CSMD1: variants seen among roughly 807,000 people sequenced by gnomAD.
CSMD1 encodes the protein CUB and Sushi multiple domains 1.
A neutral mutation model predicts 417.5 loss-of-function variants in CSMD1; 213 were observed. The observed-to-expected ratio is 0.51, with a 90% confidence interval of 0.46 to 0.57. CSMD1 has a LOEUF of 0.57. Among genes scored for constraint, CSMD1 ranks in the 20% least tolerant of loss-of-function variants. The probability of loss-of-function intolerance (pLI) is 0.00; values close to 1 mark genes in which losing one functional copy is unlikely to be tolerated. For synonymous variants in CSMD1, 2,862 were observed against 1,736.8 expected, an observed-to-expected ratio of 1.65 and a Z score of -16.11; for missense variants, 6,923 against 4,529.7, an observed-to-expected ratio of 1.53 and a Z score of -15.17.
Position 4,197,794 on chromosome 8 carries a change from G to C in CSMD1, c.416-165695C>G, listed in dbSNP as rs374964591. Reference sequence around the variant, plus strand: ...CTTGGGAGGCTGATATGGGAGGATTGCTTGAACCCAGGAGGCAGAGGTTGC... The same window carrying C: ...CTTGGGAGGCTGATATGGGAGGATTCCTTGAACCCAGGAGGCAGAGGTTGC... On this transcript the variant is annotated intron_variant, in intron 3 of 69. Coordinates refer to ENST00000635120, the MANE Select transcript of CSMD1 (RefSeq NM_033225.6). 2.0e-4 allele frequency among the ~76,000 whole-genome samples: 30 copies of C among 152,216 alleles called. No homozygotes were observed. The East Asian group carries it at 4.5e-3, about 23-fold the overall frequency.
intron 1 of CSMD1, among the ~76,000 whole-genome samples, chr8:4,795,050 T>A (rs1263283617): frequency 6.6e-6 from 1 of 151,922 alleles, no homozygotes. Flanking sequence ...GGTGTGTGTT[T>A]AAGTTTCTGC....
intron 17 of CSMD1, among the ~76,000 whole-genome samples, chr8:3,395,663 A>C (rs1189797497): frequency 6.6e-6 from 1 of 152,188 alleles, no homozygotes; most frequent in East Asian, 1.9e-4. Flanking sequence ...GCTTGTTGAA[A>C]GACTGTTAAC....
chr8:4,826,415 G>A (rs1799830496), intron 1 of CSMD1, among the ~76,000 whole-genome samples: 1 of 152,126 alleles, frequency 6.6e-6, no homozygotes, highest in Non-Finnish European at 1.5e-5. Context: ...AGCCTGGAGG[G>A]CATTGCGCTA....
At chr8:3,890,300 T>C (rs927513411) in intron 5 of CSMD1, among the ~76,000 whole-genome samples, 3 of 152,096 alleles carry the variant, frequency 2.0e-5, no homozygotes, top group Non-Finnish European at 4.4e-5. Context: ...ACTTGAAAAA[T>C]ATTAATATTA....
At chr8:4,783,372 C>A (rs1289576349) in intron 1 of CSMD1, among the ~76,000 whole-genome samples, 1 of 152,182 alleles carries the variant, frequency 6.6e-6, no homozygotes, top group African/African-American at 2.4e-5. Context: ...TGGGAGAGAG[C>A]TGTACAGTGG....
intron 5 of CSMD1, among the ~76,000 whole-genome samples, chr8:3,899,712 G>C (rs762389532): frequency 6.6e-6 from 1 of 152,170 alleles, no homozygotes; most frequent in African/African-American, 2.4e-5. Context: ...CTGAGCAACT[G>C]TCCTGGTAGG....
chr8:3,072,901 C>G (rs975206825), intron 49 of CSMD1, among the ~76,000 whole-genome samples: 4 of 151,896 alleles, frequency 2.6e-5, no homozygotes, highest in African/African-American at 7.3e-5. Flanking sequence ...AATGCAAAAC[C>G]CAGTATTTGC....
Position 4,566,652 on chromosome 8 carries a change from C to CAAA in CSMD1, c.302+70687_302+70689dup, listed in dbSNP as rs35448667. Among the ~76,000 whole-genome samples, 30 of 62,844 alleles carry CAAA rather than the reference C, an allele frequency of 4.8e-4. 1 individual carries two copies. Among genetic ancestry groups the CAAA allele is most frequent in the African/African-American group, 1.8e-3 (25 of 13,810 alleles). 41.2% of individuals were successfully genotyped at this position (62,844 alleles called of 152,430 possible). ...TGGGTGACAGAGGGAGACTCTGACT[C>CAAA]AAAAAAAAAAAAAAAAAAAAAAAAA... On this transcript the variant is annotated intron_variant, in intron 2 of 69. Transcript: ENST00000635120.
At chr8:4,379,737 A>G (rs1156526526) in intron 3 of CSMD1, among the ~76,000 whole-genome samples, 2 of 151,968 alleles carry the variant, frequency 1.3e-5, no homozygotes, top group East Asian at 1.9e-4. Context: ...AGTGGCAGAA[A>G]GTATGATAAA....
intron 3 of CSMD1, among the ~76,000 whole-genome samples, chr8:4,099,148 C>T (rs1000210043): frequency 2.0e-5 from 3 of 151,666 alleles, no homozygotes; most frequent in Non-Finnish European, 2.9e-5. Context: ...TTTCAGGCCC[C>T]AACCATGCAT....
intron 28 of CSMD1, among the ~76,000 whole-genome samples, chr8:3,221,518 C>G (rs1313324227): frequency 7.1e-6 from 1 of 140,588 alleles, no homozygotes; most frequent in African/African-American, 2.7e-5. Flanking sequence ...GCAAATACTG[C>G]CAGACACAGG....
At chr8:4,410,618 T>C (rs1356911947) in intron 3 of CSMD1, among the ~76,000 whole-genome samples, 3 of 152,188 alleles carry the variant, frequency 2.0e-5, no homozygotes, top group Non-Finnish European at 4.4e-5. Flanking sequence ...AATTATGTAT[T>C]ACCAAATGTA....
intron 1 of CSMD1, among the ~76,000 whole-genome samples, chr8:4,779,763 T>C (rs1797055134): frequency 6.6e-6 from 1 of 152,162 alleles, no homozygotes; most frequent in Non-Finnish European, 1.5e-5. Flanking sequence ...TAATTGCGGT[T>C]TGCTGATGCC....
At chr8:4,347,277 G>A (rs916732822) in intron 3 of CSMD1, among the ~76,000 whole-genome samples, 2 of 152,022 alleles carry the variant, frequency 1.3e-5, no homozygotes, top group African/African-American at 4.8e-5. Context: ...ATCTCACCTT[G>A]GCCCTCTCTA....
At chr8:3,467,992 T>C (rs1294701479) in intron 12 of CSMD1, among the ~76,000 whole-genome samples, 2 of 152,216 alleles carry the variant, frequency 1.3e-5, no homozygotes, top group Non-Finnish European at 2.9e-5. Flanking sequence ...CATACACATC[T>C]ATCGGTTCAA....
intron 7 of CSMD1, among the ~76,000 whole-genome samples, chr8:3,633,127 TTA>T (rs1053127053): frequency 6.6e-6 from 1 of 152,230 alleles, no homozygotes; most frequent in Non-Finnish European, 1.5e-5. Flanking sequence ...TTCTCTAACT[TTA>T]TGTTACCAAG....
intron 1 of CSMD1, among the ~76,000 whole-genome samples, chr8:4,726,942 A>G (rs1278203573): frequency 1.3e-5 from 2 of 152,186 alleles, no homozygotes; most frequent in Non-Finnish European, 2.9e-5. Context: ...GGGATTGTAC[A>G]TATGTACTTA....
intron 5 of CSMD1, among the ~76,000 whole-genome samples, chr8:3,969,613 A>G (rs1012050858): frequency 1.3e-5 from 2 of 152,238 alleles, no homozygotes; most frequent in Admixed American, 6.5e-5. Context: ...TTGACATAAA[A>G]TTAAATAAAG....
intron 2 of CSMD1, among the ~76,000 whole-genome samples, chr8:4,562,771 T>C (rs1305536092): frequency 1.3e-5 from 2 of 152,112 alleles, no homozygotes; most frequent in African/African-American, 2.4e-5. Context: ...GAGTCAAGAA[T>C]ATATATCCTA....
Sources: gnomAD v4.1 joint callset for allele counts (sites outside exome capture counted in the v4.1 genomes callset) on GRCh38, gnomAD v4.1.1 for gene constraint, MANE v1.5 for transcripts, NCBI Gene and HGNC (gene_info 2026-07-23, HGNC 2026-07-21) for gene names.